ENOX2: variants seen among roughly 807,000 people sequenced by gnomAD.
ENOX2 encodes APK1 antigen.
A neutral mutation model predicts 45.0 loss-of-function variants in ENOX2; 36 were observed. The observed-to-expected ratio is 0.80, with a 90% confidence interval of 0.61 to 1.06. The LOEUF is 1.06. ENOX2 is among the 50% of genes least tolerant of loss of function. ENOX2 has a pLI of 0.00. For synonymous variants in ENOX2, 174 were observed against 152.3 expected, an observed-to-expected ratio of 1.14 and a Z score of -1.05; for missense variants, 423 against 462.5, an observed-to-expected ratio of 0.91 and a Z score of 0.78.
chrX:130,820,231 C>A (rs921690138), intron 2 of ENOX2, among the ~76,000 whole-genome samples: 4 of 112,078 alleles, frequency 3.6e-5, no homozygotes, highest in Non-Finnish European at 7.5e-5. Flanking sequence ...TACTAATTAT[C>A]AGGGAAATGC....
intron 1 of ENOX2, among the ~76,000 whole-genome samples, chrX:130,902,251 C>T (rs1193753184): frequency 9.0e-6 from 1 of 111,705 alleles, no homozygotes; most frequent in Non-Finnish European, 1.9e-5. Flanking sequence ...GGTGTGCCCC[C>T]TAAATGTTTG....
intron 3 of ENOX2, among the ~76,000 whole-genome samples, chrX:130,732,815 G>A (rs2038769604): frequency 9.0e-6 from 1 of 111,161 alleles, no homozygotes; most frequent in Non-Finnish European, 1.9e-5. Flanking sequence ...GGAAGAACTG[G>A]ATATCCACAT....
At chrX:130,753,767 C>T (rs1054793869) in intron 3 of ENOX2, among the ~76,000 whole-genome samples, 2 of 111,411 alleles carry the variant, frequency 1.8e-5, no homozygotes, top group Non-Finnish European at 3.8e-5. Context: ...TATTGATACA[C>T]GGTTAGTTTG....
chrX:130,625,943 C>A (rs750931270), intron 14 of ENOX2, among the ~76,000 whole-genome samples: 1 of 111,293 alleles, frequency 9.0e-6, no homozygotes, highest in Admixed American at 9.6e-5. Context: ...CACACACACA[C>A]ACACACCCCT....
At chrX:130,651,344 A>G (rs1409322000) in intron 10 of ENOX2, among the ~76,000 whole-genome samples, 3 of 111,875 alleles carry the variant, frequency 2.7e-5, no homozygotes, top group Admixed American at 9.4e-5. Flanking sequence ...CATTTTCCTC[A>G]CTGCCTCTCA....
At chrX:130,752,916 C>A (rs2039261093) in intron 3 of ENOX2, among the ~76,000 whole-genome samples, 1 of 110,789 alleles carries the variant, frequency 9.0e-6, no homozygotes. Flanking sequence ...TCCCTCACTT[C>A]TTTCTCTGTC....
intron 10 of ENOX2, among the ~76,000 whole-genome samples, chrX:130,641,370 T>C (rs1444676105): frequency 9.0e-6 from 1 of 111,545 alleles, no homozygotes; most frequent in Non-Finnish European, 1.9e-5. Flanking sequence ...CCCTGTGAAA[T>C]CTGGATCTAC....
At chrX:130,900,828 C>T (rs1273262072) in intron 2 of ENOX2, among the ~76,000 whole-genome samples, 2 of 112,114 alleles carry the variant, frequency 1.8e-5, no homozygotes, top group Non-Finnish European at 3.8e-5. Context: ...TATCTCAGAA[C>T]TGTGGGCATC....
intron 2 of ENOX2, among the ~76,000 whole-genome samples, chrX:130,811,936 C>A (rs764438142): frequency 1.6e-4 from 18 of 111,149 alleles, no homozygotes; most frequent in Non-Finnish European, 3.0e-4. Flanking sequence ...ATGAAAAATG[C>A]AATACAGAGA....
At chrX:130,883,939 A>T (rs902008611) in intron 2 of ENOX2, among the ~76,000 whole-genome samples, 3 of 112,573 alleles carry the variant, frequency 2.7e-5, no homozygotes, top group Non-Finnish European at 5.6e-5. Flanking sequence ...AAAAGCCCCA[A>T]TAAATTCTTT....
chrX:130,715,455 G>A (rs1205311505), intron 3 of ENOX2, among the ~76,000 whole-genome samples: 1 of 111,931 alleles, frequency 8.9e-6, no homozygotes, highest in East Asian at 2.8e-4. Flanking sequence ...CTGCAAAGCA[G>A]CCAAACTGGA....
At chrX:130,649,073 A>AAAAAAAAAAC (rs2036328245) in intron 10 of ENOX2, among the ~76,000 whole-genome samples, 1 of 97,659 alleles carries the variant, frequency 1.0e-5, no homozygotes, top group Non-Finnish European at 2.0e-5. Flanking sequence ...AAAAAAAAAA[A>AAAAAAAAAAC]AAAAGCCTGA....
chrX:130,729,532 A>C (rs751374477), intron 3 of ENOX2, among the ~76,000 whole-genome samples: 1 of 111,768 alleles, frequency 8.9e-6, no homozygotes, highest in East Asian at 2.8e-4. Flanking sequence ...CCTGCCTCCA[A>C]CCAGCTCAAA....
chrX:130,893,539 T>G (rs971050715), intron 2 of ENOX2, among the ~76,000 whole-genome samples: 2 of 111,952 alleles, frequency 1.8e-5, no homozygotes, highest in Admixed American at 1.9e-4. Flanking sequence ...GAAAGGTAGG[T>G]TGGAGCCAGA....
At position 130,833,455 on chromosome X, in the gene ENOX2, G is replaced by T. The variant is rs186152080; in HGVS notation, c.-182-49765C>A. On this transcript the variant is annotated intron_variant, in intron 2 of 14. Coordinates refer to ENST00000394363, the MANE Select transcript of ENOX2 (RefSeq NM_006375.4). The stretch of plus-strand genomic sequence containing the variant: ...ACGAGCCCACACAGAGGTTACACAG[G>T]TTCAAATTAGCTTAAGAGAGTAACA... Among the ~76,000 whole-genome samples, 479 of 110,978 alleles carry T rather than the reference G, an allele frequency of 4.3e-3. 4 individuals are homozygous for T. The highest frequency in any genetic ancestry group is 0.015 in the African/African-American group (453 of 30,513).
At chrX:130,655,950 T>C (rs2036536286) in intron 10 of ENOX2, among the ~76,000 whole-genome samples, 1 of 111,982 alleles carries the variant, frequency 8.9e-6, no homozygotes, top group Non-Finnish European at 1.9e-5. Flanking sequence ...TAAATGGTTT[T>C]TATAATGTAC....
intron 2 of ENOX2, among the ~76,000 whole-genome samples, chrX:130,796,871 T>C (rs1216678657): frequency 8.9e-6 from 1 of 112,227 alleles, no homozygotes; most frequent in East Asian, 2.8e-4. Flanking sequence ...ATGTTGTTTT[T>C]CTCCCTGCCA....
chrX:130,827,167 A>T (rs901023470), intron 2 of ENOX2, among the ~76,000 whole-genome samples: 8 of 112,181 alleles, frequency 7.1e-5, no homozygotes, highest in African/African-American at 2.6e-4. Flanking sequence ...TCATCCATTC[A>T]GTGTATTCAG....
chrX:130,674,475 A>C (rs2148137610), intron 6 of ENOX2, among the ~76,000 whole-genome samples: 1 of 111,192 alleles, frequency 9.0e-6, no homozygotes, highest in African/African-American at 3.3e-5. Context: ...GAAAAAAATT[A>C]AATAAGGGGA....
Sources: gnomAD v4.1 joint callset for allele counts (sites outside exome capture counted in the v4.1 genomes callset) on GRCh38, gnomAD v4.1.1 for gene constraint, MANE v1.5 for transcripts, NCBI Gene and HGNC (gene_info 2026-07-23, HGNC 2026-07-21) for gene names.